ITIH5: variants seen among roughly 807,000 people sequenced by gnomAD.
The protein encoded by ITIH5 is inter-alpha-trypsin inhibitor heavy chain 5.
ITIH5 carries 65 observed loss-of-function variants against 77.5 expected under a neutral mutation model. The ratio of observed to expected loss-of-function variants is 0.84; its 90% CI spans 0.69 to 1.03. ITIH5 has a LOEUF of 1.03. Ranked by LOEUF, ITIH5 falls within the 50% of genes least tolerant of loss-of-function variation. The pLI is 0.00. For missense variants in ITIH5, 1,208 were observed against 1,213.1 expected, an observed-to-expected ratio of 1.00 and a Z score of 0.06; for synonymous variants, 525 against 494.3, an observed-to-expected ratio of 1.06 and a Z score of -0.82.
At chr10:7,663,483 A>G (rs560524475) in intron 1 of ITIH5, among the ~76,000 whole-genome samples, 1 of 152,346 alleles carries the variant, frequency 6.6e-6, no homozygotes, top group African/African-American at 2.4e-5. Context: ...TCACTTGTGC[A>G]AGCCCCTAAA....
intron 8 of ITIH5, among the ~76,000 whole-genome samples, chr10:7,585,598 G>A (rs988185387): frequency 1.3e-5 from 2 of 152,106 alleles, no homozygotes; most frequent in Non-Finnish European, 2.9e-5. Context: ...AAACAGTATT[G>A]TTTTTGTATC....
chr10:7,593,263 G>A (rs1049570743), intron 7 of ITIH5, among the ~76,000 whole-genome samples: 2 of 152,002 alleles, frequency 1.3e-5, no homozygotes, highest in African/African-American at 2.4e-5. Context: ...CCTCCCGGTG[G>A]CTCCATTCCC....
At chr10:7,607,841 G>A (rs1564257503) in intron 7 of ITIH5, among the ~76,000 whole-genome samples, 1 of 152,206 alleles carries the variant, frequency 6.6e-6, no homozygotes, top group East Asian at 1.9e-4. Flanking sequence ...AATCTTGTCT[G>A]CAAAACTTAA....
intron 5 of ITIH5, among the ~76,000 whole-genome samples, chr10:7,628,008 GT>G: frequency 6.6e-6 from 1 of 151,360 alleles, no homozygotes; most frequent in Middle Eastern, 3.4e-3. Flanking sequence ...AGCCCAGCTC[GT>G]TTTTGTATTT....
chr10:7,636,191 A>C (rs567729172), intron 5 of ITIH5, among the ~76,000 whole-genome samples: 1 of 152,198 alleles, frequency 6.6e-6, no homozygotes, highest in Non-Finnish European at 1.5e-5. Flanking sequence ...AAAGAAAAAA[A>C]ATACGGTGAT....
At chr10:7,616,225 C>A in intron 6 of ITIH5, 127 bp from the exon 7 acceptor site, 1 of 628,246 alleles carries the variant, frequency 1.6e-6, no homozygotes, top group Admixed American at 2.6e-5. Flanking sequence ...AGATTCCACA[C>A]CCGGAGTAAA....
At chr10:7,647,425 A>G (rs1266351470) in intron 2 of ITIH5, among the ~76,000 whole-genome samples, 6 of 152,218 alleles carry the variant, frequency 3.9e-5, no homozygotes, top group African/African-American at 9.6e-5. Flanking sequence ...CCATCTGCCA[A>G]CTGAACACCC....
In ITIH5 at chr10:7,569,732, C is replaced by T. The variant is rs562078688; in HGVS notation, c.2085G>A (p.Val695=). 1.9e-5 allele frequency: 30 copies of T among 1,613,230 alleles called. No individual in the cohort carries two copies. The Admixed American group carries it at 3.8e-4, about 21-fold the overall frequency. Residue 695 remains valine, a synonymous_variant, in exon 12 of 14, where the codon GTG becomes GTA. Transcript: ENST00000397146. ...CGGGCTGCCCATCAATGTTGAAGCACACGGTGAGTCTGCTCAGGGGGAAAT... is the reference window on the plus strand; with the variant it reads ...CGGGCTGCCCATCAATGTTGAAGCATACGGTGAGTCTGCTCAGGGGGAAAT... ...VVDFPLSRLT[V]CFNIDGQPGD... is the part of the protein sequence containing the mutation.
intron 7 of ITIH5, among the ~76,000 whole-genome samples, chr10:7,604,919 T>C (rs1164424617): frequency 6.6e-6 from 1 of 152,128 alleles, no homozygotes; most frequent in African/African-American, 2.4e-5. Context: ...CCTCCCGGGT[T>C]CAAGCGATTC....
Position 7,576,474 on chromosome 10 carries a change from G to T in ITIH5, c.1957C>A (p.Arg653=). ...GTACCTGGCTGCGTGCCAGCTCCTCGCACGCTCTGCACCACCGGTTCGGGT... is the reference window on the plus strand; with the variant it reads ...GTACCTGGCTGCGTGCCAGCTCCTCTCACGCTCTGCACCACCGGTTCGGGT... ...MGPEPVVQSV[R]GAGTQPGPLL... The change falls in exon 10 of 14, where the codon CGA becomes AGA. Residue 653 remains arginine, a synonymous_variant. Coordinates refer to ENST00000397146, the MANE Select transcript of ITIH5 (RefSeq NM_030569.7). The T allele has an allele frequency of 6.2e-7, 1 of 1,601,190 alleles. No homozygotes were observed. Among genetic ancestry groups the T allele is most frequent in the Non-Finnish European group, 8.5e-7 (1 of 1,176,432 alleles).
intron 13 of ITIH5, 136 bp from the exon 14 acceptor site, chr10:7,563,520 A>T: frequency 1.4e-6 from 1 of 719,238 alleles, no homozygotes; most frequent in Non-Finnish European, 2.3e-6. Context: ...AGTGACATGG[A>T]AGAACATGTG....
rs1832129300 is a variant in ITIH5, at chr10:7,565,406, T to C, written c.2527+624A>G. Among the ~76,000 whole-genome samples, 3 of 136,078 alleles carry C rather than the reference T, an allele frequency of 2.2e-5. No individual in the cohort carries two copies. In the South Asian group the frequency reaches 6.3e-4, roughly 29 times the overall value. 89.3% of individuals were successfully genotyped at this position (136,078 alleles called of 152,430 possible). A position where few individuals can be genotyped will look rare whatever the true frequency, so the allele number is the denominator to read the frequency against. ...TATATACACACATATCATGCACACA[T>C]ACATAGACAGTATACATACATATAT... On this transcript the variant is annotated intron_variant, in intron 13 of 13. Coordinates refer to ENST00000397146, the MANE Select transcript of ITIH5 (RefSeq NM_030569.7).
At chr10:7,620,667 A>C (rs1462284012) in intron 5 of ITIH5, 5 of 114,602 alleles carry the variant, frequency 4.4e-5, no homozygotes, top group African/African-American at 1.8e-4. Flanking sequence ...GAACATAACA[A>C]TGTTATTTGC....
intron 2 of ITIH5, among the ~76,000 whole-genome samples, chr10:7,643,515 G>C (rs1334545632): frequency 6.6e-6 from 1 of 152,156 alleles, no homozygotes; most frequent in Non-Finnish European, 1.5e-5. Context: ...AGACTGTCTG[G>C]CTGCCCTCTG....
At chr10:7,646,283 A>T (rs1388681171) in intron 2 of ITIH5, among the ~76,000 whole-genome samples, 2 of 152,232 alleles carry the variant, frequency 1.3e-5, no homozygotes, top group African/African-American at 4.8e-5. Flanking sequence ...GGTGTTTTAA[A>T]AATTATCAAG....
rs1448388275 is a variant in ITIH5 at position 7,644,749 on chromosome 10, TCACATATATCA to T, written c.136-2670_136-2660del. Among the ~76,000 whole-genome samples, 58 of 118,276 alleles carry T rather than the reference TCACATATATCA, an allele frequency of 4.9e-4. 3 individuals carry two copies. Among genetic ancestry groups the T allele is most frequent in the East Asian group, 2.9e-3 (13 of 4,514 alleles). 77.6% of individuals were successfully genotyped at this position (118,276 alleles called of 152,430 possible). A position where few individuals can be genotyped will look rare whatever the true frequency, so the allele number is the denominator to read the frequency against. The stretch of plus-strand genomic sequence containing the variant: ...ATCACATATCTATATCACATATATA[TCACATATATCA>T]CATATATATCATATATATCACATAT... On this transcript the variant is annotated intron_variant, in intron 2 of 13. Transcript: ENST00000397146.
intron 7 of ITIH5, among the ~76,000 whole-genome samples, chr10:7,605,442 T>C (rs140840621): frequency 1.6e-4 from 25 of 152,002 alleles, no homozygotes; most frequent in Non-Finnish European, 3.1e-4. Flanking sequence ...GAGCACTCCC[T>C]ATATAATTTT....
In ITIH5 at chr10:7,580,034, G is replaced by A; in HGVS notation, c.1139C>T (p.Ala380Val). 6.2e-7 allele frequency: 1 copy of A among 1,610,422 alleles called. No individual in the cohort carries two copies. The highest frequency in any genetic ancestry group is 8.5e-7 in the Non-Finnish European group (1 of 1,179,024). Residue 380 changes from alanine (A) to valine (V), a missense_variant, in exon 9 of 14, where the codon GCC becomes GTC. Coordinates refer to ENST00000397146, the MANE Select transcript of ITIH5 (RefSeq NM_030569.7). Reference sequence around the variant, plus strand: ...CACGTACTTGTTGAGGAGCCTGATGGCCCTCTGCAGGGCCCCGTTGATGTC... The same window carrying A: ...CACGTACTTGTTGAGGAGCCTGATGACCCTCTGCAGGGCCCCGTTGATGTC... ...GTDINGALQRAIRLLNKYVAH... is the reference protein window; with the variant it reads ...GTDINGALQRVIRLLNKYVAH...
chr10:7,588,025 A>C (rs1371203642), intron 7 of ITIH5, among the ~76,000 whole-genome samples: 1 of 152,204 alleles, frequency 6.6e-6, no homozygotes, highest in Admixed American at 6.5e-5. Context: ...TCCACTGTCC[A>C]ACTTGAATTT....
Sources: allele counts gnomAD v4.1 joint callset (sites outside exome capture counted in the v4.1 genomes callset), GRCh38; gene constraint gnomAD v4.1.1; transcripts MANE v1.5; gene names NCBI Gene and HGNC (gene_info 2026-07-23, HGNC 2026-07-21).